HEMK2: variants seen among roughly 807,000 people sequenced by gnomAD.
HEMK2 encodes methyltransferase HEMK2.
the HEMK2 span, among the ~76,000 whole-genome samples, chr21:28,657,032 A>G: frequency 1.3e-5 from 2 of 152,118 alleles, no homozygotes; most frequent in African/African-American, 2.4e-5. Flanking sequence ...AGTGGCATGG[A>G]TAGAGTAACA....
At chr21:28,859,779 G>C in the HEMK2 span, among the ~76,000 whole-genome samples, 2 of 151,994 alleles carry the variant, frequency 1.3e-5, no homozygotes, top group African/African-American at 4.8e-5. Context: ...GGAAACCTCA[G>C]GCTCACATCC....
the HEMK2 span, among the ~76,000 whole-genome samples, chr21:28,672,074 T>C: frequency 2.0e-5 from 3 of 152,092 alleles, no homozygotes; most frequent in Non-Finnish European, 2.9e-5. Context: ...GCACATTAGA[T>C]AGTAGGCTCT....
At chr21:28,677,616 C>T in the HEMK2 span, among the ~76,000 whole-genome samples, 1 of 152,204 alleles carries the variant, frequency 6.6e-6, no homozygotes, top group Non-Finnish European at 1.5e-5. Context: ...GGGTCCCTGA[C>T]CCCCGAGTAG....
the HEMK2 span, among the ~76,000 whole-genome samples, chr21:28,584,333 A>G: frequency 6.6e-6 from 1 of 152,232 alleles, no homozygotes; most frequent in Admixed American, 6.5e-5. Context: ...TATTTACAAG[A>G]GCAAATCAGT....
chr21:28,765,340 C>T, the HEMK2 span, among the ~76,000 whole-genome samples: 1 of 152,114 alleles, frequency 6.6e-6, no homozygotes, highest in South Asian at 2.1e-4. Flanking sequence ...AGCTATGGTA[C>T]ACTCAAACTC....
At chr21:28,669,810 T>C in the HEMK2 span, among the ~76,000 whole-genome samples, 1 of 152,194 alleles carries the variant, frequency 6.6e-6, no homozygotes, top group Non-Finnish European at 1.5e-5. Flanking sequence ...GGGTGACTTG[T>C]CACTCAGCAA....
the HEMK2 span, among the ~76,000 whole-genome samples, chr21:28,616,813 CA>C: frequency 6.6e-6 from 1 of 152,128 alleles, no homozygotes; most frequent in Non-Finnish European, 1.5e-5. Context: ...CTCTCCAACT[CA>C]AAAAACTCAA....
At chr21:28,741,850 C>T in the HEMK2 span, among the ~76,000 whole-genome samples, 4 of 152,130 alleles carry the variant, frequency 2.6e-5, no homozygotes, top group Non-Finnish European at 4.4e-5. Flanking sequence ...GTAAATAGTG[C>T]TGCAGTGAAC....
the HEMK2 span, among the ~76,000 whole-genome samples, chr21:28,611,769 A>G: frequency 6.6e-6 from 1 of 151,982 alleles, no homozygotes; most frequent in African/African-American, 2.4e-5. Flanking sequence ...TTAGCTGTGC[A>G]TGGTGGTGGG....
the HEMK2 span, among the ~76,000 whole-genome samples, chr21:28,727,357 G>A: frequency 2.0e-5 from 3 of 152,258 alleles, no homozygotes; most frequent in South Asian, 2.1e-4. Flanking sequence ...AAGCCCAAGC[G>A]TTTGAAACCC....
chr21:28,700,951 G>C, the HEMK2 span, among the ~76,000 whole-genome samples: 3 of 152,062 alleles, frequency 2.0e-5, no homozygotes, highest in African/African-American at 7.2e-5. Context: ...TAACCTACCA[G>C]GATCAAGGAG....
At chr21:28,670,901 T>C in the HEMK2 span, 2 of 152,244 alleles carry the variant, frequency 1.3e-5, no homozygotes, top group African/African-American at 4.8e-5. Context: ...ACCACCCTCA[T>C]GATCCAATCA....
At chr21:28,849,023 C>T in the HEMK2 span, among the ~76,000 whole-genome samples, 4 of 152,206 alleles carry the variant, frequency 2.6e-5, no homozygotes, top group Admixed American at 6.5e-5. Flanking sequence ...GCTGCCCCAG[C>T]TGCTGGCATG....
the HEMK2 span, among the ~76,000 whole-genome samples, chr21:28,827,535 C>T: frequency 2.6e-5 from 4 of 152,300 alleles, no homozygotes; most frequent in East Asian, 7.7e-4. Context: ...CAATCCTCAG[C>T]CCTGCGTAAC....
At chr21:28,771,053 T>C in the HEMK2 span, among the ~76,000 whole-genome samples, 6 of 152,156 alleles carry the variant, frequency 3.9e-5, no homozygotes, top group Non-Finnish European at 7.4e-5. Context: ...GAGCAGTTAC[T>C]TCATGCCAGA....
chr21:28,611,447 T>C, the HEMK2 span, among the ~76,000 whole-genome samples: 5 of 152,312 alleles, frequency 3.3e-5, no homozygotes, highest in East Asian at 9.6e-4. Context: ...TCAAGGCTAC[T>C]ATGGACATCT....
chr21:28,850,637 C>A, the HEMK2 span, among the ~76,000 whole-genome samples: 21 of 152,258 alleles, frequency 1.4e-4, no homozygotes, highest in Admixed American at 1.1e-3. Context: ...ACCACCAGAC[C>A]TGCCTTACAA....
the HEMK2 span, among the ~76,000 whole-genome samples, chr21:28,881,700 T>C: frequency 0.13 from 19,231 of 148,590 alleles, 1,341 homozygotes; most frequent in South Asian, 0.18. Flanking sequence ...GGCACGATCA[T>C]GGCTCAAGGC....
the HEMK2 span, among the ~76,000 whole-genome samples, chr21:28,767,750 C>T: frequency 2.8e-4 from 43 of 152,134 alleles, no homozygotes; most frequent in Non-Finnish European, 5.4e-4. Context: ...TTGGGGTAGG[C>T]GGTAGTTGGT....
Sources: allele counts gnomAD v4.1 joint callset (sites outside exome capture counted in the v4.1 genomes callset), GRCh38; gene constraint gnomAD v4.1.1; transcripts MANE v1.5; gene names NCBI Gene and HGNC (gene_info 2026-07-23, HGNC 2026-07-21).